The following HNRNPA1L2 variants were observed in gnomAD, a reference collection of about 807,000 sequenced individuals.
HNRNPA1L2 encodes the protein heterogeneous nuclear ribonucleoprotein A1-like 2.
HNRNPA1L2 carries 10 observed loss-of-function variants against 18.2 expected under a neutral mutation model. The ratio of observed to expected loss-of-function variants is 0.55; its 90% CI spans 0.34 to 0.93. The LOEUF is 0.93. Among genes scored for constraint, HNRNPA1L2 ranks in the 40% least tolerant of loss-of-function variants. The pLI is 0.02. For missense variants in HNRNPA1L2, 308 were observed against 394.4 expected, an observed-to-expected ratio of 0.78 and a Z score of 1.85; for synonymous variants, 124 against 138.6, an observed-to-expected ratio of 0.89 and a Z score of 0.74.
At chr13:52,624,514 C>T in the HNRNPA1L2 span, among the ~76,000 whole-genome samples, 1 of 152,196 alleles carries the variant, frequency 6.6e-6, no homozygotes, top group African/African-American at 2.4e-5. Context: ...TTTACCACAA[C>T]CACTTCTGAG....
At chr13:52,635,331 A>G in the HNRNPA1L2 span, among the ~76,000 whole-genome samples, 3 of 152,166 alleles carry the variant, frequency 2.0e-5, no homozygotes, top group Non-Finnish European at 2.9e-5. Context: ...AATCATATGC[A>G]ATGTACACCT....
chr13:52,631,532 T>C, the HNRNPA1L2 span, among the ~76,000 whole-genome samples: 1 of 152,210 alleles, frequency 6.6e-6, no homozygotes, highest in Non-Finnish European at 1.5e-5. Flanking sequence ...CTGAGGAAAG[T>C]TCTGGAGCAG....
At chr13:52,632,874 T>C in the HNRNPA1L2 span, among the ~76,000 whole-genome samples, 3 of 152,216 alleles carry the variant, frequency 2.0e-5, no homozygotes, top group Non-Finnish European at 2.9e-5. Flanking sequence ...TTGAGGTATG[T>C]CCTGGGATGT....
At chr13:52,635,334 GTACA>G in the HNRNPA1L2 span, among the ~76,000 whole-genome samples, 34 of 151,956 alleles carry the variant, frequency 2.2e-4, no homozygotes, top group African/African-American at 8.2e-4. Context: ...CATATGCAAT[GTACA>G]CCTCTAGCCC....
the HNRNPA1L2 span, among the ~76,000 whole-genome samples, chr13:52,626,628 C>T: frequency 6.6e-6 from 1 of 152,020 alleles, no homozygotes; most frequent in African/African-American, 2.4e-5. Flanking sequence ...CAATGATCAA[C>T]ATTTTACTAT....
the HNRNPA1L2 span, among the ~76,000 whole-genome samples, chr13:52,635,505 C>T: frequency 6.6e-6 from 1 of 151,530 alleles, no homozygotes; most frequent in African/African-American, 2.4e-5. Context: ...TATAACTTGA[C>T]TAGTTTTGAC....
rs569388724 is a variant in HNRNPA1L2, at chr13:52,643,448, G to T, written c.956G>T (p.Arg319Ile). The change falls in exon 1 of 1, where the codon AGA (arginine) becomes ATA (isoleucine). Residue 319 changes from arginine (R) to isoleucine (I), a missense_variant. Transcript: ENST00000357495. ...AGCAGTAGCTATGGCAGTGGCAGAAGATTTTAATTAGGAAACAAAGCTTAG... is the reference window on the plus strand; with the variant it reads ...AGCAGTAGCTATGGCAGTGGCAGAATATTTTAATTAGGAAACAAAGCTTAG... ...SSSSSYGSGRRF is the reference protein window; with the variant it reads ...SSSSSYGSGRIF 1.0e-5 allele frequency: 16 copies of T among 1,597,636 alleles called. No individual in the cohort carries two copies. The African/African-American group carries it at 2.1e-4, about 21-fold the overall frequency.
the HNRNPA1L2 span, among the ~76,000 whole-genome samples, chr13:52,619,975 A>G: frequency 6.6e-6 from 1 of 151,190 alleles, no homozygotes; most frequent in South Asian, 2.1e-4. Context: ...ATTGTACCAT[A>G]TATTGAATAT....
At chr13:52,623,567 G>A in the HNRNPA1L2 span, among the ~76,000 whole-genome samples, 2 of 152,148 alleles carry the variant, frequency 1.3e-5, no homozygotes, top group African/African-American at 4.8e-5. Flanking sequence ...TGAACAAGGT[G>A]CATCTGTTTT....
the HNRNPA1L2 span, among the ~76,000 whole-genome samples, chr13:52,631,665 GTAGTT>G: frequency 6.6e-6 from 1 of 152,146 alleles, no homozygotes; most frequent in African/African-American, 2.4e-5. Flanking sequence ...GTAGAGAAAA[GTAGTT>G]TAGTCCATAA....
chr13:52,640,942 A>G (rs540270586), upstream of HNRNPA1L2: 1 of 152,330 alleles, frequency 6.6e-6, no homozygotes, highest in Admixed American at 6.5e-5. Context: ...CATGCAGCCC[A>G]GGTAATTTAC....
upstream of HNRNPA1L2, among the ~76,000 whole-genome samples, chr13:52,639,642 T>C (rs376669908): frequency 7.3e-5 from 11 of 150,484 alleles, no homozygotes; most frequent in East Asian, 1.2e-3. Flanking sequence ...GTGGCCTTCC[T>C]GTATTTTTCT....
the HNRNPA1L2 span, among the ~76,000 whole-genome samples, chr13:52,628,919 C>T: frequency 1.3e-5 from 2 of 152,044 alleles, no homozygotes; most frequent in East Asian, 1.9e-4. Context: ...CTTGTCTCCT[C>T]GGCTGGACTG....
upstream of HNRNPA1L2, among the ~76,000 whole-genome samples, chr13:52,639,623 A>T (rs9536209): frequency 6.8e-6 from 1 of 148,006 alleles, no homozygotes; most frequent in African/African-American, 2.5e-5. Flanking sequence ...AATTTTTAAC[A>T]GTTCTACAGT....
the HNRNPA1L2 span, among the ~76,000 whole-genome samples, chr13:52,627,162 G>A: frequency 6.6e-6 from 1 of 152,082 alleles, no homozygotes; most frequent in Non-Finnish European, 1.5e-5. Flanking sequence ...AAATACAATA[G>A]CATCTAATTG....
the HNRNPA1L2 span, among the ~76,000 whole-genome samples, chr13:52,635,666 A>G: frequency 1.3e-5 from 2 of 151,686 alleles, no homozygotes; most frequent in African/African-American, 2.4e-5. Flanking sequence ...AAATAGATTA[A>G]GTTGCATCTC....
chr13:52,622,536 C>G, the HNRNPA1L2 span, among the ~76,000 whole-genome samples: 2 of 152,194 alleles, frequency 1.3e-5, no homozygotes, highest in Non-Finnish European at 2.9e-5. Flanking sequence ...CTCTTACATA[C>G]TTATTGGTGT....
the HNRNPA1L2 span, among the ~76,000 whole-genome samples, chr13:52,630,925 T>A: frequency 9.2e-5 from 14 of 152,198 alleles, no homozygotes; most frequent in African/African-American, 3.4e-4. Flanking sequence ...TATAATACTG[T>A]GCAGCTACAT....
the HNRNPA1L2 span, among the ~76,000 whole-genome samples, chr13:52,636,424 A>C: frequency 6.6e-6 from 1 of 152,244 alleles, no homozygotes; most frequent in African/African-American, 2.4e-5. Flanking sequence ...CATTTTCAAA[A>C]GATGTTCTGA....
Sources: allele counts gnomAD v4.1 joint callset (sites outside exome capture counted in the v4.1 genomes callset), GRCh38; gene constraint gnomAD v4.1.1; transcripts MANE v1.5; gene names NCBI Gene and HGNC (gene_info 2026-07-23, HGNC 2026-07-21).